DNAH9: variants seen among roughly 807,000 people sequenced by gnomAD.
DNAH9 encodes DNAH9 variant protein.
Under a neutral mutation model 471.6 loss-of-function variants are expected in DNAH9, and 345 were observed. That is an observed-to-expected ratio of 0.73 (90% confidence interval 0.67 to 0.80). The LOEUF is 0.80. DNAH9 is among the 30% of genes least tolerant of loss of function. The pLI is 0.00. For missense variants in DNAH9, 5,407 were observed against 5,609.2 expected (o/e 0.96, Z 1.15); for synonymous variants, 2,093 against 2,123.6 (o/e 0.99, Z 0.40).
At position 11,750,282 on chromosome 17, in the gene DNAH9, A is replaced by T. The variant is rs112963409; in HGVS notation, c.6610+2516A>T. ...GACCCCATGTCTACCAAAAAAAAAA[A>T]TTTTTTGGATAACTTTAAAAGAATA... On this transcript the variant is annotated intron_variant, in intron 32 of 68. Transcript: ENST00000262442. Among the ~76,000 whole-genome samples, 356 of 151,246 alleles carry T rather than the reference A, an allele frequency of 2.4e-3. 5 individuals carry two copies. Among genetic ancestry groups the T allele is most frequent in the African/African-American group, 6.4e-3 (265 of 41,378 alleles).
Position 11,747,583 on chromosome 17 carries a change from G to C in DNAH9, c.6427G>C (p.Val2143Leu). 1.9e-6 allele frequency: 3 copies of C among 1,613,890 alleles called. No individual in the cohort carries two copies. The highest frequency in any genetic ancestry group is 2.5e-6 in the Non-Finnish European group (3 of 1,180,008). ...KVVQLEELLA[V>L]RHSVFVVGGA... ...GGTCCAGCTGGAGGAGCTCCTGGCT[G>C]TGCGGCACTCTGTATTTGTGGTGGG... Residue 2143 changes from valine (V) to leucine (L), a missense_variant, in exon 32 of 69, where the codon GTG becomes CTG. By Grantham distance (32) the Val-to-Leu change is conservative. Around this residue, in one of 3 missense-constraint regions of DNAH9, gnomAD observed 4,636 missense variants for 4,900.3 expected, o/e 0.95. Coordinates refer to ENST00000262442, the MANE Select transcript of DNAH9 (RefSeq NM_001372.4).
intron 32 of DNAH9, among the ~76,000 whole-genome samples, chr17:11,751,135 A>G (rs1967132717): frequency 1.3e-5 from 2 of 152,012 alleles, no homozygotes; most frequent in Admixed American, 1.3e-4. Flanking sequence ...AACCCCTAGC[A>G]AAATATAAAT....
chr17:11,916,888 C>T (rs561625864), intron 61 of DNAH9, among the ~76,000 whole-genome samples: 3 of 152,292 alleles, frequency 2.0e-5, no homozygotes, highest in East Asian at 3.9e-4. Flanking sequence ...ATTCTGTATA[C>T]GATTTTGAGC....
At chr17:11,929,783 TG>T in intron 62 of DNAH9, 82 bp from the exon 63 acceptor site, 1 of 1,177,134 alleles carries the variant, frequency 8.5e-7, no homozygotes, top group Non-Finnish European at 1.2e-6. Flanking sequence ...GTCCCCCCTC[TG>T]GCTGCCTTCC....
At chr17:11,881,058 A>T in intron 54 of DNAH9, 151 bp from the exon 55 acceptor site, 2 of 734,864 alleles carry the variant, frequency 2.7e-6, no homozygotes, top group South Asian at 1.7e-5. Context: ...TGTTCCCAAC[A>T]TTAGTGCAAA....
rs76833203 is a variant in DNAH9 at position 11,913,221 on chromosome 17, G to A, written c.11749+7412G>A. 0.015 allele frequency among the ~76,000 whole-genome samples: 2,271 copies of A among 152,266 alleles called. 152 individuals are homozygous for A. The East Asian group carries it at 0.24, about 16-fold the overall frequency. On this transcript the variant is annotated intron_variant, in intron 61 of 68. Transcript: ENST00000262442. ...TAGTATTAATTCTCATGAATGTTTG[G>A]TAGAATTCAGTGATGAAGCCATCTG...
At chr17:11,667,436 G>C (rs543611730) in intron 15 of DNAH9, among the ~76,000 whole-genome samples, 2 of 152,200 alleles carry the variant, frequency 1.3e-5, no homozygotes, top group South Asian at 4.1e-4. Context: ...TAAATATTGG[G>C]ACTGTCCTGA....
At chr17:11,672,462 G>T (rs941949553) in intron 17 of DNAH9, among the ~76,000 whole-genome samples, 8 of 152,130 alleles carry the variant, frequency 5.3e-5, no homozygotes, top group African/African-American at 1.4e-4. Context: ...AGGTGGGTAA[G>T]GTATGGTTGC....
intron 10 of DNAH9, among the ~76,000 whole-genome samples, chr17:11,642,758 G>A (rs959441781): frequency 2.6e-5 from 4 of 152,180 alleles, no homozygotes; most frequent in Admixed American, 6.5e-5. Flanking sequence ...ACTGAGACCC[G>A]GGGTTGGGGC....
Position 11,937,491 on chromosome 17 carries a change from G to T in DNAH9, c.12629G>T (p.Arg4210Ile). Reference sequence around the variant, plus strand: ...CTGCAGCCTCGGGACAGCCAGGCCAGAGACGGAGCGGGCGCCACAAGAGAA... The same window carrying T: ...CTGCAGCCTCGGGACAGCCAGGCCATAGACGGAGCGGGCGCCACAAGAGAA... Reference protein sequence around the residue: ...LELQPRDSQARDGAGATREEK... With the variant: ...LELQPRDSQAIDGAGATREEK... Residue 4210 changes from arginine to isoleucine, a missense_variant, in exon 66 of 69, where the codon AGA becomes ATA. This residue lies in a region of DNAH9 where 4,636 missense variants were observed against 4,900.3 expected (regional missense o/e 0.95). Coordinates refer to ENST00000262442, the MANE Select transcript of DNAH9 (RefSeq NM_001372.4). The surrounding 1 kb of genome is among the most constrained non-coding windows in gnomAD (Gnocchi z 4.1). 1 of 1,613,506 alleles carries T rather than the reference G, an allele frequency of 6.2e-7. No individual in the cohort carries two copies. The highest frequency in any genetic ancestry group is 1.3e-5 in the African/African-American group (1 of 75,026).
intron 26 of DNAH9, among the ~76,000 whole-genome samples, chr17:11,713,796 T>C (rs111525702): frequency 6.6e-6 from 1 of 152,226 alleles, no homozygotes; most frequent in Non-Finnish European, 1.5e-5. Flanking sequence ...AGTTTTACTC[T>C]TGATTTTCTT....
intron 43 of DNAH9, among the ~76,000 whole-genome samples, chr17:11,803,382 G>A (rs886331037): frequency 3.7e-5 from 5 of 136,036 alleles, no homozygotes; most frequent in African/African-American, 1.8e-4. Context: ...CTCTAGGGGT[G>A]TGTGTGTGTG....
Position 11,891,952 on chromosome 17 carries a change from A to G in DNAH9, c.11283+5A>G, listed in dbSNP as rs762352585. On this transcript the variant is annotated splice_donor_5th_base_variant and intron_variant, in intron 58 of 68. Transcript: ENST00000262442. ...CTTGCCCAGCTCACCTTTCAGGTAA[A>G]AGTGGATTGAAGAAGTTTCCAGAAA... The G allele has an allele frequency of 1.2e-6, 2 of 1,610,162 alleles. No homozygotes were observed. The highest frequency in any genetic ancestry group is 4.5e-5 in the East Asian group (2 of 44,794).
In DNAH9 at chr17:11,623,801, C is replaced by T. The variant is rs2072920030; in HGVS notation, c.1350+4020C>T. 6.6e-6 allele frequency among the ~76,000 whole-genome samples: 1 copy of T among 152,192 alleles called. No individual in the cohort carries two copies. Among genetic ancestry groups the T allele is most frequent in the African/African-American group, 2.4e-5 (1 of 41,462 alleles). On this transcript the variant is annotated intron_variant, in intron 6 of 68. Transcript: ENST00000262442. The surrounding 1 kb of genome is among the most constrained non-coding windows in gnomAD (Gnocchi z 4.1). ...ATGAAACACCAATGTGTTTATCTCT[C>T]TGCATGCTCTCGTCACGGGTTAGAG...
chr17:11,713,563 A>G (rs1217797313), intron 26 of DNAH9, among the ~76,000 whole-genome samples: 1 of 152,044 alleles, frequency 6.6e-6, no homozygotes, highest in Non-Finnish European at 1.5e-5. Context: ...CACCAGGTTA[A>G]TGGTGTCTTT....
chr17:11,750,567 T>C (rs1044479478), intron 32 of DNAH9, among the ~76,000 whole-genome samples: 3 of 152,118 alleles, frequency 2.0e-5, no homozygotes, highest in Non-Finnish European at 4.4e-5. Flanking sequence ...ACAATATCAA[T>C]TTACAGGTCA....
At chr17:11,940,403 G>GAGACGAATT (rs1974864384) in intron 66 of DNAH9, among the ~76,000 whole-genome samples, 1 of 152,156 alleles carries the variant, frequency 6.6e-6, no homozygotes, top group Non-Finnish European at 1.5e-5. Context: ...TCGTCTCTTT[G>GAGACGAATT]TAAATAATGT....
At position 11,781,182 on chromosome 17, in the gene DNAH9, C is replaced by A. The variant is rs767099540; in HGVS notation, c.7718+8C>A. The A allele has an allele frequency of 2.5e-6, 4 of 1,613,036 alleles. No homozygotes were observed. The highest frequency in any genetic ancestry group is 2.5e-6 in the Non-Finnish European group (3 of 1,179,378). On this transcript the variant is annotated splice_region_variant and intron_variant, in intron 39 of 68. Transcript: ENST00000262442. ...TCTGGACTATGGCCACTGGTAAGAG[C>A]GCCCATGTAGAGGGACTGGCCCAAG...
Position 11,598,707 on chromosome 17 carries a change from C to A in DNAH9, c.209C>A (p.Pro70Gln). ...CGCGATGCTGCCGAGGGGCCGCGGCCGCTGCTGGTGGTGCGGCCCGGGCCC... is the reference window on the plus strand; with the variant it reads ...CGCGATGCTGCCGAGGGGCCGCGGCAGCTGCTGGTGGTGCGGCCCGGGCCC... ...LGRDAAEGPR[P>Q]LLVVRPGPRG... The change falls in exon 1 of 69, where the codon CCG (proline) becomes CAG (glutamine). Residue 70 changes from proline to glutamine, a missense_variant. This residue lies in a region of DNAH9 where 767 missense variants were observed against 692.5 expected (regional missense o/e 1.11). Coordinates refer to ENST00000262442, the MANE Select transcript of DNAH9 (RefSeq NM_001372.4). 7.3e-7 allele frequency: 1 copy of A among 1,373,162 alleles called. No individual in the cohort carries two copies. Among genetic ancestry groups the A allele is most frequent in the South Asian group, 1.6e-5 (1 of 60,752 alleles). 85.1% of individuals were successfully genotyped at this position (1,373,162 alleles called of 1,614,324 possible). A position where few individuals can be genotyped will look rare whatever the true frequency, so the allele number is the denominator to read the frequency against.
Sources: gnomAD v4.1 joint callset for allele counts (sites outside exome capture counted in the v4.1 genomes callset) on GRCh38, gnomAD v4.1.1 for gene constraint, gnomAD v4.1.1 regional missense constraint, Gnocchi (gnomAD v3.1) non-coding constraint, MANE v1.5 for transcripts, NCBI Gene and HGNC (gene_info 2026-07-23, HGNC 2026-07-21) for gene names.